The following FLT3 variants were observed in gnomAD, a reference collection of about 807,000 sequenced individuals.
FLT3 encodes the protein receptor-type tyrosine-protein kinase FLT3.
FLT3 carries 46 observed loss-of-function variants against 126.6 expected under a neutral mutation model. That is an observed-to-expected ratio of 0.36 (90% CI 0.29 to 0.46). The LOEUF is 0.46. Ranked by LOEUF, FLT3 falls within the 20% of genes least tolerant of loss-of-function variation. The pLI is 1.00. For synonymous variants in FLT3, 404 were observed against 434.4 expected (o/e 0.93, Z 0.87); for missense variants, 1,069 against 1,190.3 (o/e 0.90, Z 1.50).
intron 1 of FLT3, among the ~76,000 whole-genome samples, chr13:28,093,178 G>A (rs1049254591): frequency 2.0e-5 from 3 of 151,124 alleles, no homozygotes; most frequent in Non-Finnish European, 4.4e-5. Context: ...CACTCACCTT[G>A]GCCTCCCAAA....
Position 28,100,294 on chromosome 13 carries a change from T to A in FLT3, c.43+174A>T, listed in dbSNP as rs1224238729. Among the ~76,000 whole-genome samples the A allele has an allele frequency of 2.6e-5, 4 of 151,348 alleles. No homozygotes were observed. Among genetic ancestry groups the A allele is most frequent in the African/African-American group, 9.7e-5 (4 of 41,186 alleles). On this transcript the variant is annotated intron_variant, in intron 1 of 23. Transcript: ENST00000241453. This position sits in a 1 kb window ranked among gnomAD's most constrained non-coding sequence, Gnocchi z 4.8. Reference sequence around the variant, plus strand: ...GGGAAACGCCGGGGCCGCAGGCAAGTAGTGGGCGAGTCCGGAGGGCGCGAA... The same window carrying A: ...GGGAAACGCCGGGGCCGCAGGCAAGAAGTGGGCGAGTCCGGAGGGCGCGAA...
At chr13:28,034,473 A>C in intron 12 of FLT3, 66 bp from the exon 13 acceptor site, 2 of 1,120,920 alleles carry the variant, frequency 1.8e-6, no homozygotes, top group Admixed American at 1.8e-5. Flanking sequence ...AATAGTGGAC[A>C]ACTCATTATA....
intron 23 of FLT3, among the ~76,000 whole-genome samples, chr13:28,007,093 G>A (rs1205412304): frequency 1.3e-5 from 2 of 151,918 alleles, no homozygotes; most frequent in African/African-American, 4.8e-5. Context: ...ACCTTTAAAT[G>A]ACTTTTTAAA....
chr13:28,079,909 A>G (rs981896697), intron 1 of FLT3, among the ~76,000 whole-genome samples: 3 of 152,168 alleles, frequency 2.0e-5, no homozygotes, highest in African/African-American at 7.2e-5. Context: ...CAGCCATCAC[A>G]TAGTGAGAAA....
In FLT3 at chr13:28,062,029, G is replaced by C. The variant is rs752457971; in HGVS notation, c.206C>G (p.Pro69Arg). 42 of 1,612,706 alleles carry C rather than the reference G, an allele frequency of 2.6e-5. No individual in the cohort carries two copies. Among genetic ancestry groups the C allele is most frequent in the Non-Finnish European group, 3.5e-5 (41 of 1,179,966 alleles). Residue 69 changes from proline to arginine, a missense_variant, in exon 3 of 24, where the codon CCC becomes CGC. Coordinates refer to ENST00000241453, the MANE Select transcript of FLT3 (RefSeq NM_004119.3). ...SPEDLGCALR[P>R]QSSGTVYEAA... is the part of the protein sequence containing the mutation. ...TTCGTACACTGTCCCTGAGCTCTGG[G>C]GTCTCAACGCACACCCGAGGTCTTC...
chr13:28,081,966 T>G (rs1368177421), intron 1 of FLT3, among the ~76,000 whole-genome samples: 1 of 149,512 alleles, frequency 6.7e-6, no homozygotes, highest in Non-Finnish European at 1.5e-5. Context: ...AAGCAATTTT[T>G]GTCCCTTAGC....
chr13:28,077,657 G>A (rs1261301095), intron 1 of FLT3, among the ~76,000 whole-genome samples: 1 of 152,076 alleles, frequency 6.6e-6, no homozygotes, highest in African/African-American at 2.4e-5. Context: ...CTCATGTCCT[G>A]ACATTCCAAA....
chr13:28,071,850 T>A (rs73154871), intron 1 of FLT3, among the ~76,000 whole-genome samples: 26,893 of 151,978 alleles, frequency 0.18, 2,436 homozygotes, highest in Middle Eastern at 0.25. Context: ...CTTTTTAATT[T>A]TTTTTTTAAG....
intron 9 of FLT3, among the ~76,000 whole-genome samples, chr13:28,042,352 T>C (rs999997032): frequency 1.3e-5 from 2 of 152,020 alleles, no homozygotes; most frequent in Non-Finnish European, 2.9e-5. Flanking sequence ...ATACTCATGA[T>C]ATATTTTAAG....
At chr13:28,091,207 CTTTTTTTTTTTTT>C (rs572410744) in intron 1 of FLT3, among the ~76,000 whole-genome samples, 5 of 36,578 alleles carry the variant, frequency 1.4e-4, no homozygotes, top group Middle Eastern at 0.028. Context: ...GCCCCATTTT[CTTTTTTTTTTTTT>C]TTTTTTTTTT....
chr13:28,042,185 TAATA>T (rs1360016433), intron 9 of FLT3, among the ~76,000 whole-genome samples: 11 of 134,596 alleles, frequency 8.2e-5, no homozygotes, highest in Non-Finnish European at 1.6e-4. Context: ...ATAATAATAA[TAATA>T]AATAAAAATG....
chr13:28,025,182 C>T, intron 17 of FLT3: 3 of 520,040 alleles, frequency 5.8e-6, no homozygotes, highest in Admixed American at 3.6e-5. Context: ...TCAAAAAGGA[C>T]CTCACTCAAT....
intron 1 of FLT3, among the ~76,000 whole-genome samples, chr13:28,079,358 A>G (rs1470052079): frequency 2.6e-5 from 4 of 152,136 alleles, no homozygotes; most frequent in Non-Finnish European, 5.9e-5. Flanking sequence ...AAGCCATTCA[A>G]CAAGTCTTTA....
chr13:28,053,484 T>A (rs1400587059), intron 4 of FLT3, among the ~76,000 whole-genome samples: 3 of 150,494 alleles, frequency 2.0e-5, no homozygotes, highest in Non-Finnish European at 4.4e-5. Context: ...ACTATCCACC[T>A]AATAACTAGA....
At chr13:28,012,277 G>C (rs17086214) in intron 23 of FLT3, among the ~76,000 whole-genome samples, 5 of 151,872 alleles carry the variant, frequency 3.3e-5, no homozygotes, top group African/African-American at 9.7e-5. Flanking sequence ...GCCATTCAAC[G>C]GTTCCTGATA....
intron 1 of FLT3, among the ~76,000 whole-genome samples, chr13:28,082,739 T>C (rs901185260): frequency 2.0e-5 from 3 of 152,018 alleles, no homozygotes; most frequent in Non-Finnish European, 2.9e-5. Flanking sequence ...AGTCTTGCTC[T>C]GTCGCCCAGG....
intron 12 of FLT3, among the ~76,000 whole-genome samples, chr13:28,034,974 C>A (rs1873700014): frequency 6.6e-6 from 1 of 151,564 alleles, no homozygotes; most frequent in Non-Finnish European, 1.5e-5. Context: ...TTTAAACCTA[C>A]AGGATGTACA....
At chr13:28,059,941 A>T (rs1388359346) in intron 3 of FLT3, among the ~76,000 whole-genome samples, 1 of 151,728 alleles carries the variant, frequency 6.6e-6, no homozygotes, top group East Asian at 2.0e-4. Flanking sequence ...GCCTGGCAAT[A>T]GAGCAAGACT....
chr13:28,090,147 T>C (rs548116188), intron 1 of FLT3, among the ~76,000 whole-genome samples: 109 of 151,908 alleles, frequency 7.2e-4, no homozygotes, highest in Admixed American at 4.1e-3. Context: ...TTCAAATGAT[T>C]ATCCTGCCTC....
Sources: gnomAD v4.1 joint callset for allele counts (sites outside exome capture counted in the v4.1 genomes callset) on GRCh38, gnomAD v4.1.1 for gene constraint, Gnocchi (gnomAD v3.1) non-coding constraint, MANE v1.5 for transcripts, NCBI Gene and HGNC (gene_info 2026-07-23, HGNC 2026-07-21) for gene names.